SLC25A32: variants seen among roughly 807,000 people sequenced by gnomAD.
The protein encoded by SLC25A32 is solute carrier family 25 member 32.
SLC25A32 carries 32 observed loss-of-function variants against 39.0 expected under a neutral mutation model. The observed-to-expected ratio is 0.82, with a 90% confidence interval of 0.62 to 1.10. SLC25A32 has a LOEUF of 1.10. Ranked by LOEUF, SLC25A32 falls within the 50% of genes least tolerant of loss-of-function variation. The pLI is 0.00. For synonymous variants in SLC25A32, 166 were observed against 152.4 expected (o/e 1.09, Z -0.66); for missense variants, 367 against 395.3 (o/e 0.93, Z 0.61).
Position 103,414,823 on chromosome 8 carries a change from C to G in SLC25A32, c.115G>C (p.Ala39Pro). The change falls in exon 1 of 7, where the codon GCG (alanine) becomes CCG (proline). Residue 39 changes from alanine (A) to proline (P), a missense_variant. Coordinates refer to ENST00000297578, the MANE Select transcript of SLC25A32 (RefSeq NM_030780.5). ...TTCACGAGGTCGAGCGGATGCAGCG[C>G]AAGGTTGGATAAGACGCCGCCGCTC... ...GVSGGVLSNL[A>P]LHPLDLVKIR... is the part of the protein sequence containing the mutation. 6.2e-7 allele frequency: 1 copy of G among 1,613,816 alleles called. No homozygotes were observed. The highest frequency in any genetic ancestry group is 8.5e-7 in the Non-Finnish European group (1 of 1,180,038).
rs200441736 is a variant in SLC25A32, at chr8:103,407,773, A to G, written c.166T>C (p.Leu56=). 2 of 1,613,086 alleles carry G rather than the reference A, an allele frequency of 1.2e-6. No individual in the cohort carries two copies. The highest frequency in any genetic ancestry group is 1.7e-6 in the Non-Finnish European group (2 of 1,179,498). Residue 56 remains leucine, a synonymous_variant, in exon 2 of 7, where the codon TTG becomes CTG. Transcript: ENST00000297578. ...VKIRFAVSDG[L]ELRPKYNGIL... ...CCATTATATTTCGGTCTCAGTTCCAATCCATCACTCACTGCATCAAGGGAT... is the reference window on the plus strand; with the variant it reads ...CCATTATATTTCGGTCTCAGTTCCAGTCCATCACTCACTGCATCAAGGGAT...
rs1028242577 is a variant in SLC25A32 at position 103,398,771 on chromosome 8, T to C, written c.*1640A>G. 1.3e-5 allele frequency: 2 copies of C among 152,202 alleles called. No individual in the cohort carries two copies. Among genetic ancestry groups the C allele is most frequent in the African/African-American group, 4.8e-5 (2 of 41,450 alleles). 9.4% of individuals were successfully genotyped at this position (152,202 alleles called of 1,614,324 possible). On this transcript the variant is annotated 3_prime_UTR_variant, in exon 7 of 7. Transcript: ENST00000297578. ...TCCGTGTGGGGACTAATATCAAGAT[T>C]TCATATGAATTATAGTATAATCCAG...
chr8:103,414,629 C>G, intron 1 of SLC25A32, 155 bp downstream of exon 1: 1 of 1,080,976 alleles, frequency 9.3e-7, no homozygotes, highest in Non-Finnish European at 1.3e-6. Flanking sequence ...ACCCCTCCAC[C>G]AAGCACCATT....
rs201326350 is a variant in SLC25A32 at position 103,404,806 on chromosome 8, T to C, written c.361A>G (p.Thr121Ala). 17 of 1,613,484 alleles carry C rather than the reference T, an allele frequency of 1.1e-5. No homozygotes were observed. The East Asian group carries it at 2.9e-4, about 27-fold the overall frequency. The change falls in exon 3 of 7, where the codon ACA becomes GCA. Residue 121 changes from threonine to alanine, a missense_variant. By Grantham distance (58) the Thr-to-Ala change is moderately conservative. Transcript: ENST00000297578. ...TEGRAERLEA[T>A]EYLVSAAEAG... ...TCAGCAGCTGAGACAAGGTATTCTG[T>C]TGCCTCTAAACGTTCAGCTCTTCCT... is the stretch of plus-strand genomic sequence containing the variant.
intron 1 of SLC25A32, among the ~76,000 whole-genome samples, chr8:103,409,410 C>T (rs1462326362): frequency 6.6e-6 from 1 of 152,070 alleles, no homozygotes; most frequent in Non-Finnish European, 1.5e-5. Flanking sequence ...ATGATTTACA[C>T]AGTCATTTCT....
At chr8:103,401,425 G>T in intron 6 of SLC25A32, 91 bp downstream of exon 6, 1 of 1,187,900 alleles carries the variant, frequency 8.4e-7, no homozygotes, top group Non-Finnish European at 1.2e-6. Flanking sequence ...ACAGCAAACT[G>T]GCCTTTGCTA....
At chr8:103,401,024 A>C (rs1586109773) in intron 6 of SLC25A32, among the ~76,000 whole-genome samples, 1 of 152,232 alleles carries the variant, frequency 6.6e-6, no homozygotes, top group Admixed American at 6.5e-5. Flanking sequence ...TAAACATCCT[A>C]AATGTTCTCC....
chr8:103,402,946 C>G (rs1816248910), intron 4 of SLC25A32, among the ~76,000 whole-genome samples: 1 of 152,090 alleles, frequency 6.6e-6, no homozygotes, highest in Admixed American at 6.5e-5. Flanking sequence ...AGATCTCATG[C>G]CCACCAATGT....
At chr8:103,403,371 C>T in intron 3 of SLC25A32, 47 bp from the exon 4 acceptor site, 1 of 1,204,118 alleles carries the variant, frequency 8.3e-7, no homozygotes, top group South Asian at 2.0e-5. Context: ...GATACTTTCG[C>T]ACTTATGACA....
In SLC25A32 at chr8:103,401,540, A is replaced by G. The variant is rs1476592972; in HGVS notation, c.788T>C (p.Ile263Thr). 6 of 1,613,624 alleles carry G rather than the reference A, an allele frequency of 3.7e-6. No homozygotes were observed. Among genetic ancestry groups the G allele is most frequent in the Middle Eastern group, 3.3e-4 (2 of 6,058 alleles). Residue 263 changes from isoleucine (I) to threonine (T), a missense_variant, in exon 6 of 7, where the codon ATA becomes ACA. Ile to Thr is a moderately conservative substitution (Grantham distance 89). Coordinates refer to ENST00000297578, the MANE Select transcript of SLC25A32 (RefSeq NM_030780.5). The part of the protein sequence containing the change: ...QDQHMFYSGV[I>T]DVITKTWRKE... ...CCTCCATGTCTTTGTGATTACATCT[A>G]TTACACCACTGTAAAACATGTGTTG...
intron 1 of SLC25A32, among the ~76,000 whole-genome samples, chr8:103,411,593 ACAC>A (rs1435811787): frequency 1.3e-5 from 2 of 152,204 alleles, no homozygotes; most frequent in African/African-American, 2.4e-5. Context: ...GGCTCATTTA[ACAC>A]CACATTTTCT....
At chr8:103,410,168 A>C (rs1691843713) in intron 1 of SLC25A32, among the ~76,000 whole-genome samples, 1 of 152,226 alleles carries the variant, frequency 6.6e-6, no homozygotes, top group Admixed American at 6.5e-5. Flanking sequence ...TGTTCTTTTC[A>C]TAGGTATAAA....
At chr8:103,413,685 G>A (rs1243672457) in intron 1 of SLC25A32, among the ~76,000 whole-genome samples, 1 of 152,044 alleles carries the variant, frequency 6.6e-6, no homozygotes, top group Non-Finnish European at 1.5e-5. Flanking sequence ...ATGTCTTTGT[G>A]GTGTTTTTTC....
At position 103,400,203 on chromosome 8, in the gene SLC25A32, G is replaced by C. The variant is rs909103117; in HGVS notation, c.*208C>G. ...CATTGTGTTGATGGCAGCCATTTCA[G>C]GCAGAGGTAGCCAAGTTCCATATAT... On this transcript the variant is annotated 3_prime_UTR_variant, in exon 7 of 7. Transcript: ENST00000297578. 8.9e-6 allele frequency: 5 copies of C among 560,214 alleles called. No individual in the cohort carries two copies. Among genetic ancestry groups the C allele is most frequent in the Non-Finnish European group, 1.6e-5 (5 of 322,330 alleles). 34.7% of individuals were successfully genotyped at this position (560,214 alleles called of 1,614,324 possible).
intron 2 of SLC25A32, 104 bp from the exon 3 acceptor site, chr8:103,404,965 C>T (rs189244989): frequency 1.3e-4 from 82 of 617,866 alleles, no homozygotes; most frequent in Admixed American, 4.3e-4. Flanking sequence ...CAAGTCAATG[C>T]ATAATGCAAC....
chr8:103,409,783 G>C (rs576433880), intron 1 of SLC25A32, among the ~76,000 whole-genome samples: 1 of 152,188 alleles, frequency 6.6e-6, no homozygotes, highest in Non-Finnish European at 1.5e-5. Context: ...AGCATGAAGG[G>C]AGATTAAAGT....
intron 1 of SLC25A32, among the ~76,000 whole-genome samples, chr8:103,413,153 G>A (rs1372812804): frequency 1.3e-5 from 2 of 152,012 alleles, no homozygotes; most frequent in Non-Finnish European, 2.9e-5. Context: ...ATCTTCTCAG[G>A]TACCAAGAAT....
In SLC25A32 at chr8:103,401,610, C is replaced by A; in HGVS notation, c.718G>T (p.Ala240Ser). Residue 240 changes from alanine to serine, a missense_variant, in exon 6 of 7, where the codon GCA (alanine) becomes TCA (serine). Coordinates refer to ENST00000297578, the MANE Select transcript of SLC25A32 (RefSeq NM_030780.5). ...ACGACTTGATATGGGTATGTTGCTG[C>A]GACAGCAAATATTTTGGATAGTGCT... ...VAALSKIFAV[A>S]ATYPYQVVRA... 2 of 1,613,200 alleles carry A rather than the reference C, an allele frequency of 1.2e-6. No homozygotes were observed. Among genetic ancestry groups the A allele is most frequent in the South Asian group, 1.1e-5 (1 of 90,912 alleles).
chr8:103,405,466 T>C (rs1476599528), intron 2 of SLC25A32, among the ~76,000 whole-genome samples: 1 of 152,006 alleles, frequency 6.6e-6, no homozygotes, highest in Admixed American at 6.5e-5. Context: ...AAGATGAGCA[T>C]GGTGAAAAGT....
Sources: allele counts gnomAD v4.1 joint callset (sites outside exome capture counted in the v4.1 genomes callset), GRCh38; gene constraint gnomAD v4.1.1; transcripts MANE v1.5; gene names NCBI Gene and HGNC (gene_info 2026-07-23, HGNC 2026-07-21).